Variants in SUPT3H observed in about 807,000 individuals in gnomAD.
The protein encoded by SUPT3H is SPT3 homolog, SAGA and STAGA complex component.
In SUPT3H, 44 loss-of-function variants were observed where a neutral mutation model predicts 44.3. That is an observed-to-expected ratio of 0.99 (90% CI 0.78 to 1.28). The LOEUF is 1.28. Among genes scored for constraint, SUPT3H ranks in the 50% most tolerant of loss-of-function variants. The pLI is 0.00. For missense variants in SUPT3H, 380 were observed against 387.1 expected, an observed-to-expected ratio of 0.98 and a Z score of 0.15; for synonymous variants, 124 against 125.6, an observed-to-expected ratio of 0.99 and a Z score of 0.09.
At chr6:45,344,459 A>T (rs1221910836) in intron 2 of SUPT3H, among the ~76,000 whole-genome samples, 1 of 151,928 alleles carries the variant, frequency 6.6e-6, no homozygotes, top group Non-Finnish European at 1.5e-5. Flanking sequence ...TTCATGTCCA[A>T]ATGAGCAGTG....
intron 2 of SUPT3H, among the ~76,000 whole-genome samples, chr6:45,181,714 T>G: frequency 2.4e-5 from 2 of 85,078 alleles, no homozygotes; most frequent in Non-Finnish European, 2.2e-5. Context: ...TGGGGACTGT[T>G]GTGGGGTGGG....
chr6:45,203,019 G>GA (rs1172940964), intron 2 of SUPT3H, among the ~76,000 whole-genome samples: 1 of 152,034 alleles, frequency 6.6e-6, no homozygotes, highest in African/African-American at 2.4e-5. Flanking sequence ...ATAAGGTAAA[G>GA]ATAACATAAT....
intron 2 of SUPT3H, among the ~76,000 whole-genome samples, chr6:45,281,868 C>T (rs1477660902): frequency 2.0e-5 from 3 of 152,082 alleles, no homozygotes; most frequent in Non-Finnish European, 4.4e-5. Flanking sequence ...CTCACATGGC[C>T]GGGTACCCCT....
chr6:45,185,184 T>C (rs1813980043), intron 2 of SUPT3H, among the ~76,000 whole-genome samples: 2 of 152,154 alleles, frequency 1.3e-5, no homozygotes, highest in South Asian at 4.1e-4. Context: ...GCCTCCATCC[T>C]GACCCAGCAG....
intron 11 of SUPT3H, among the ~76,000 whole-genome samples, chr6:44,814,991 T>TAACA (rs1027802621): frequency 2.0e-5 from 3 of 152,072 alleles, no homozygotes; most frequent in Non-Finnish European, 4.4e-5. Context: ...ATTTTTTTCA[T>TAACA]AACAGAAATA....
chr6:44,886,917 A>C (rs1762393062), intron 10 of SUPT3H, among the ~76,000 whole-genome samples: 1 of 152,202 alleles, frequency 6.6e-6, no homozygotes, highest in African/African-American at 2.4e-5. Flanking sequence ...AAAAGGATGG[A>C]GGAAGATCTA....
chr6:44,893,928 A>T lies in SUPT3H; in HGVS notation c.912+38725T>A, dbSNP rs1188237876. On this transcript the variant is annotated intron_variant, in intron 10 of 10. Transcript: ENST00000371459. ...TGATCGCCATTCTAACTGGTGTGAGATGGTATCTCATTGTGGTTTTGATTT... is the reference window on the plus strand; with the variant it reads ...TGATCGCCATTCTAACTGGTGTGAGTTGGTATCTCATTGTGGTTTTGATTT... Among the ~76,000 whole-genome samples the T allele has an allele frequency of 9.1e-5, 13 of 142,226 alleles. No individual in the cohort carries two copies. The East Asian group carries it at 2.7e-3, about 30-fold the overall frequency. 93.3% of individuals were successfully genotyped at this position (142,226 alleles called of 152,430 possible). A position where few individuals can be genotyped will look rare whatever the true frequency, so the allele number is the denominator to read the frequency against.
At chr6:44,849,602 T>C (rs1466962551) in intron 10 of SUPT3H, among the ~76,000 whole-genome samples, 2 of 152,162 alleles carry the variant, frequency 1.3e-5, no homozygotes, top group Non-Finnish European at 2.9e-5. Context: ...AAAAAGTAAC[T>C]AAGCATTTAG....
At chr6:44,869,327 G>A (rs1296176595) in intron 10 of SUPT3H, among the ~76,000 whole-genome samples, 2 of 152,084 alleles carry the variant, frequency 1.3e-5, no homozygotes, top group Non-Finnish European at 2.9e-5. Context: ...CTCCTTGGGA[G>A]TTCATTTCAA....
At chr6:45,280,527 G>A (rs199561548) in intron 2 of SUPT3H, among the ~76,000 whole-genome samples, 1 of 151,954 alleles carries the variant, frequency 6.6e-6, no homozygotes, top group African/African-American at 2.4e-5. Context: ...CTTAGGTATA[G>A]ATACAGAACC....
At chr6:45,193,631 G>A (rs1280399582) in intron 2 of SUPT3H, among the ~76,000 whole-genome samples, 3 of 152,064 alleles carry the variant, frequency 2.0e-5, no homozygotes, top group South Asian at 2.1e-4. Context: ...CAGGAGAATC[G>A]CTTGAACCCG....
At chr6:44,886,222 A>T (rs918698598) in intron 10 of SUPT3H, among the ~76,000 whole-genome samples, 49 of 152,302 alleles carry the variant, frequency 3.2e-4, no homozygotes, top group African/African-American at 1.2e-3. Context: ...AACTTCCCCA[A>T]TCTAGCAAGG....
At chr6:44,839,549 C>T (rs1383218492) in intron 10 of SUPT3H, among the ~76,000 whole-genome samples, 5 of 152,132 alleles carry the variant, frequency 3.3e-5, no homozygotes, top group Non-Finnish European at 5.9e-5. Flanking sequence ...CTTGAATGAT[C>T]TTCTTGCCTT....
At chr6:45,170,795 TCTAA>T (rs1340205172) in intron 2 of SUPT3H, among the ~76,000 whole-genome samples, 1 of 152,204 alleles carries the variant, frequency 6.6e-6, no homozygotes, top group African/African-American at 2.4e-5. Context: ...AGCTGTCATT[TCTAA>T]CTATTAACAT....
chr6:45,373,637 G>A (rs1474971846), intron 1 of SUPT3H, among the ~76,000 whole-genome samples: 1 of 151,976 alleles, frequency 6.6e-6, no homozygotes, highest in African/African-American at 2.4e-5. Context: ...TGCAACCTCC[G>A]CCTCCCGGGT....
chr6:45,052,995 T>G, intron 3 of SUPT3H, among the ~76,000 whole-genome samples: 2 of 150,592 alleles, frequency 1.3e-5, no homozygotes, highest in African/African-American at 2.4e-5. Flanking sequence ...AGAAGGGAGG[T>G]AAAAAGGGAG....
At chr6:45,005,941 G>C (rs1468508586) in intron 5 of SUPT3H, among the ~76,000 whole-genome samples, 2 of 151,980 alleles carry the variant, frequency 1.3e-5, no homozygotes, top group Admixed American at 1.3e-4. Context: ...AATACAGGTC[G>C]AAGCATATCT....
chr6:45,158,298 ATTTTTT>A lies in SUPT3H; in HGVS notation c.102-52298_102-52293del, dbSNP rs56882164. Among the ~76,000 whole-genome samples, 135 of 99,684 alleles carry A rather than the reference ATTTTTT, an allele frequency of 1.4e-3. 3 individuals carry two copies. Among genetic ancestry groups the A allele is most frequent in the Middle Eastern group, 6.2e-3 (1 of 162 alleles). 65.4% of individuals were successfully genotyped at this position (99,684 alleles called of 152,430 possible). ...TACATATATATATATATATATATAT[ATTTTTT>A]TTTTTTTTTTTTTGAGATGGAGTCT... On this transcript the variant is annotated intron_variant, in intron 2 of 10. Coordinates refer to ENST00000371459, the MANE Select transcript of SUPT3H (RefSeq NM_003599.4).
intron 3 of SUPT3H, among the ~76,000 whole-genome samples, chr6:45,105,304 A>G (rs73447073): frequency 0.17 from 25,931 of 152,068 alleles, 3,437 homozygotes; most frequent in African/African-American, 0.37. Context: ...TACAAGGATT[A>G]GAAGGCTACA....
Sources: gnomAD v4.1 joint callset for allele counts (sites outside exome capture counted in the v4.1 genomes callset) on GRCh38, gnomAD v4.1.1 for gene constraint, MANE v1.5 for transcripts, NCBI Gene and HGNC (gene_info 2026-07-23, HGNC 2026-07-21) for gene names.